CNTN4: variants seen among roughly 807,000 people sequenced by gnomAD.
CNTN4 encodes contactin 4.
A neutral mutation model predicts 122.5 loss-of-function variants in CNTN4; 77 were observed. That is an observed-to-expected ratio of 0.63 (90% CI 0.52 to 0.76). CNTN4 has a LOEUF of 0.76. Among genes scored for constraint, CNTN4 ranks in the 30% least tolerant of loss-of-function variants. The pLI is 0.00. For synonymous variants in CNTN4, 512 were observed against 447.0 expected (o/e 1.15, Z -1.83); for missense variants, 1,256 against 1,259.1 (o/e 1.00, Z 0.04).
At chr3:2,430,263 A>G (rs2048014056) in intron 3 of CNTN4, among the ~76,000 whole-genome samples, 2 of 151,948 alleles carry the variant, frequency 1.3e-5, no homozygotes, top group African/African-American at 4.8e-5. Flanking sequence ...CACCCTAAAA[A>G]TACAAAAAAT....
intron 12 of CNTN4, among the ~76,000 whole-genome samples, chr3:2,916,116 A>G (rs538164059): frequency 6.6e-6 from 1 of 152,396 alleles, no homozygotes; most frequent in African/African-American, 2.4e-5. Flanking sequence ...AAAAGTGTGC[A>G]TATAGTTAAT....
At chr3:2,173,192 A>G (rs2036592794) in intron 2 of CNTN4, among the ~76,000 whole-genome samples, 1 of 152,220 alleles carries the variant, frequency 6.6e-6, no homozygotes, top group African/African-American at 2.4e-5. Context: ...TTGATGGGCT[A>G]AGAACTCCTA....
At chr3:2,594,580 G>A (rs1447390901) in intron 4 of CNTN4, among the ~76,000 whole-genome samples, 13 of 151,916 alleles carry the variant, frequency 8.6e-5, no homozygotes, top group African/African-American at 2.2e-4. Flanking sequence ...CACCACACCC[G>A]GCTAATATTT....
intron 15 of CNTN4, among the ~76,000 whole-genome samples, chr3:3,028,360 A>G (rs1698903514): frequency 6.6e-6 from 1 of 152,068 alleles, no homozygotes; most frequent in Admixed American, 6.6e-5. Context: ...GGGAAAGAGA[A>G]AGTTATTGTG....
At chr3:2,891,212 C>G (rs747811960) in intron 10 of CNTN4, among the ~76,000 whole-genome samples, 1 of 151,962 alleles carries the variant, frequency 6.6e-6, no homozygotes, top group Non-Finnish European at 1.5e-5. Context: ...GCCTGTAATC[C>G]CAGCACTTTG....
intron 3 of CNTN4, among the ~76,000 whole-genome samples, chr3:2,371,676 A>C (rs1323793842): frequency 2.0e-5 from 3 of 152,204 alleles, no homozygotes; most frequent in Non-Finnish European, 4.4e-5. Flanking sequence ...TTATATCCCC[A>C]GTGCCTTTCA....
At chr3:2,917,622 A>G (rs1276143846) in intron 12 of CNTN4, among the ~76,000 whole-genome samples, 1 of 152,116 alleles carries the variant, frequency 6.6e-6, no homozygotes, top group Non-Finnish European at 1.5e-5. Flanking sequence ...GGAGTTCCGG[A>G]GGGTGTACAT....
At chr3:2,754,145 G>T (rs1240455312) in intron 6 of CNTN4, among the ~76,000 whole-genome samples, 1 of 152,108 alleles carries the variant, frequency 6.6e-6, no homozygotes, top group Non-Finnish European at 1.5e-5. Context: ...AACTTTAAAT[G>T]TAGATTATTA....
intron 14 of CNTN4, among the ~76,000 whole-genome samples, chr3:3,004,819 T>C (rs949576166): frequency 6.6e-6 from 1 of 152,224 alleles, no homozygotes; most frequent in Non-Finnish European, 1.5e-5. Context: ...CATTGTGTAC[T>C]TGGCTTCACA....
In CNTN4 at chr3:2,385,903, A is replaced by C. The variant is rs559356329; in HGVS notation, c.-89+46670A>C. On this transcript the variant is annotated intron_variant, in intron 3 of 24. Coordinates refer to ENST00000418658, the MANE Select transcript of CNTN4 (RefSeq NM_175607.3). This position sits in a 1 kb window ranked among gnomAD's most constrained non-coding sequence, Gnocchi z 4.0. ...TTCAACCCATAACAATGTTCCATCA[A>C]TATTTGATAAATGAATGAATACATG... is the stretch of plus-strand genomic sequence containing the variant. Among the ~76,000 whole-genome samples, 1 of 152,074 alleles carries C rather than the reference A, an allele frequency of 6.6e-6. No individual in the cohort carries two copies. The highest frequency in any genetic ancestry group is 2.4e-5 in the African/African-American group (1 of 41,442).
intron 8 of CNTN4, among the ~76,000 whole-genome samples, chr3:2,876,706 TG>T (rs2093848757): frequency 6.6e-6 from 1 of 152,246 alleles, no homozygotes; most frequent in Non-Finnish European, 1.5e-5. Flanking sequence ...TGTTAAATTC[TG>T]TGTTCTTACA....
intron 2 of CNTN4, among the ~76,000 whole-genome samples, chr3:2,235,725 A>T (rs1272945266): frequency 6.6e-6 from 1 of 152,116 alleles, no homozygotes. Flanking sequence ...TAACAAGAGC[A>T]TCTAGTATTA....
intron 4 of CNTN4, among the ~76,000 whole-genome samples, chr3:2,697,572 C>T (rs1359292005): frequency 6.6e-6 from 1 of 152,168 alleles, no homozygotes; most frequent in African/African-American, 2.4e-5. Context: ...CCTGAAAATA[C>T]AGACAGCAAA....
intron 2 of CNTN4, among the ~76,000 whole-genome samples, chr3:2,131,058 A>C (rs2034426321): frequency 1.3e-5 from 2 of 152,166 alleles, no homozygotes; most frequent in Admixed American, 1.3e-4. Flanking sequence ...AATAGCTGAC[A>C]TGTATTGTGT....
At chr3:2,260,222 C>T (rs893139069) in intron 2 of CNTN4, among the ~76,000 whole-genome samples, 5 of 151,936 alleles carry the variant, frequency 3.3e-5, no homozygotes, top group Non-Finnish European at 7.4e-5. Flanking sequence ...ATATTTTGGG[C>T]CAGGTGATTG....
intron 2 of CNTN4, among the ~76,000 whole-genome samples, chr3:2,232,748 A>G (rs1296182812): frequency 6.6e-6 from 1 of 152,162 alleles, no homozygotes. Flanking sequence ...GAGTGAAAAT[A>G]TATTTGTTTT....
intron 3 of CNTN4, among the ~76,000 whole-genome samples, chr3:2,567,413 C>T (rs2079219394): frequency 6.6e-6 from 1 of 152,126 alleles, no homozygotes; most frequent in South Asian, 2.1e-4. Flanking sequence ...AATATACGTT[C>T]AAAGATGATT....
intron 6 of CNTN4, among the ~76,000 whole-genome samples, chr3:2,759,198 C>T (rs1406362868): frequency 6.6e-6 from 1 of 152,046 alleles, no homozygotes; most frequent in African/African-American, 2.4e-5. Context: ...TCTTGTTGCC[C>T]AGGCTGGATT....
chr3:2,191,004 A>T (rs1008676580), intron 2 of CNTN4, among the ~76,000 whole-genome samples: 1 of 152,090 alleles, frequency 6.6e-6, no homozygotes, highest in Non-Finnish European at 1.5e-5. Context: ...TTGAGTTTTC[A>T]AGGAATTTTT....
Sources: gnomAD v4.1 joint callset for allele counts (sites outside exome capture counted in the v4.1 genomes callset) on GRCh38, gnomAD v4.1.1 for gene constraint, Gnocchi (gnomAD v3.1) non-coding constraint, MANE v1.5 for transcripts, NCBI Gene and HGNC (gene_info 2026-07-23, HGNC 2026-07-21) for gene names.